AFF1: variants seen among roughly 807,000 people sequenced by gnomAD.
The protein encoded by AFF1 is ALF transcription elongation factor 1.
AFF1 carries 48 observed loss-of-function variants against 121.7 expected under a neutral mutation model. That is an observed-to-expected ratio of 0.39 (90% CI 0.31 to 0.50). The LOEUF (loss-of-function observed/expected upper bound fraction) is 0.50. AFF1 is among the 20% of genes least tolerant of loss of function. The pLI is 0.76. For synonymous variants in AFF1, 613 were observed against 563.0 expected, an observed-to-expected ratio of 1.09 and a Z score of -1.26; for missense variants, 1,523 against 1,511.7, an observed-to-expected ratio of 1.01 and a Z score of -0.12.
intron 4 of AFF1, among the ~76,000 whole-genome samples, chr4:87,075,803 AATATGAGCTGAC>A (rs1264276196): frequency 6.6e-6 from 1 of 152,230 alleles, no homozygotes; most frequent in African/African-American, 2.4e-5. Flanking sequence ...GAGTTTTACC[AATATGAGCTGAC>A]ATATATTGCT....
intron 1 of AFF1, among the ~76,000 whole-genome samples, chr4:86,942,788 G>A (rs1720561597): frequency 6.6e-6 from 1 of 152,096 alleles, no homozygotes; most frequent in Non-Finnish European, 1.5e-5. Context: ...TCATAAGATG[G>A]ACCATGGCAA....
At chr4:87,009,804 A>G (rs531055757) in intron 2 of AFF1, among the ~76,000 whole-genome samples, 1 of 152,208 alleles carries the variant, frequency 6.6e-6, no homozygotes, top group South Asian at 2.1e-4. Flanking sequence ...AAACCAAAAC[A>G]TCACCTGTGA....
chr4:87,003,177 G>A (rs1325452241), intron 2 of AFF1, among the ~76,000 whole-genome samples: 2 of 148,004 alleles, frequency 1.4e-5, no homozygotes, highest in Admixed American at 6.7e-5. Context: ...CATTTTGAGA[G>A]CCCAGGGAAT....
chr4:87,052,873 G>A (rs531414072), intron 4 of AFF1, among the ~76,000 whole-genome samples: 7 of 152,106 alleles, frequency 4.6e-5, no homozygotes, highest in South Asian at 2.1e-4. Context: ...GAGGGGAGGC[G>A]AGGCATCAAA....
chr4:87,020,764 G>A (rs1363856307), intron 2 of AFF1: 18 of 983,600 alleles, frequency 1.8e-5, no homozygotes, highest in Non-Finnish European at 2.1e-5. Context: ...GATTACAGGC[G>A]GGATTACCAT....
intron 2 of AFF1, among the ~76,000 whole-genome samples, chr4:86,988,683 AAAAACTACTTTAAATTTCATATG>A (rs1724479820): frequency 6.6e-6 from 1 of 152,232 alleles, no homozygotes; most frequent in South Asian, 2.1e-4. Flanking sequence ...CAGAATTAGA[AAAAACTACTTTAAATTTCATATG>A]GAACCAGAAA....
chr4:86,996,251 A>G (rs1381507517), intron 2 of AFF1, among the ~76,000 whole-genome samples: 7 of 152,180 alleles, frequency 4.6e-5, no homozygotes, highest in African/African-American at 1.7e-4. Context: ...AGAACGGGCC[A>G]TGATGACAAT....
Position 86,963,963 on chromosome 4 carries a change from G to GTTTTTTTT in AFF1, c.38+15406_38+15413dup, listed in dbSNP as rs3035477. 2.4e-3 allele frequency among the ~76,000 whole-genome samples: 246 copies of GTTTTTTTT among 104,326 alleles called. 4 individuals carry two copies. In the East Asian group the frequency reaches 0.036, roughly 15 times the overall value. The allele number at this position is 104,326 out of a possible 152,430, so 68.4% of individuals were successfully genotyped here. On this transcript the variant is annotated intron_variant, in intron 2 of 20. Transcript: ENST00000395146. Reference sequence around the variant, plus strand: ...GGTGTGAGTCACCATGACTAGACTGGTTTTTTTTTTTTTTTTTTTTTAGTA... The same window carrying GTTTTTTTT: ...GGTGTGAGTCACCATGACTAGACTGGTTTTTTTTTTTTTTTTTTTTTTTTTTTTTAGTA...
At chr4:87,007,002 C>T (rs1229674297) in intron 2 of AFF1, 3 of 1,094,446 alleles carry the variant, frequency 2.7e-6, no homozygotes, top group East Asian at 5.0e-5. Flanking sequence ...ATTTCTTTTC[C>T]TTTCTAACTG....
chr4:87,114,267 C>T, intron 11 of AFF1, 100 bp from the exon 12 acceptor site: 1 of 1,054,604 alleles, frequency 9.5e-7, no homozygotes, highest in Non-Finnish European at 1.3e-6. Flanking sequence ...GAAGTATTTG[C>T]TCCTCTGCAG....
intron 2 of AFF1, among the ~76,000 whole-genome samples, chr4:86,995,030 C>T (rs1725007693): frequency 6.6e-6 from 1 of 152,022 alleles, no homozygotes; most frequent in Admixed American, 6.6e-5. Flanking sequence ...CACCTGAGTC[C>T]AGGAGTTTGA....
intron 2 of AFF1, among the ~76,000 whole-genome samples, chr4:87,030,804 G>GT (rs1175061025): frequency 2.0e-5 from 3 of 152,134 alleles, no homozygotes; most frequent in Non-Finnish European, 4.4e-5. Flanking sequence ...CAGCGTCCTG[G>GT]TACTCTGTGC....
chr4:87,094,900 T>G lies in AFF1; in HGVS notation c.1229-15T>G. 2 of 1,612,436 alleles carry G rather than the reference T, an allele frequency of 1.2e-6. No homozygotes were observed. The highest frequency in any genetic ancestry group is 2.7e-5 in the African/African-American group (2 of 75,002). On this transcript the variant is annotated splice_polypyrimidine_tract_variant and intron_variant, in intron 7 of 20. Coordinates refer to ENST00000395146, the MANE Select transcript of AFF1 (RefSeq NM_001166693.3). ...ATGTGTCATTGTGCTGCTTTGATGT[T>G]TCTCTCCCCCACAGAACAATATGAT...
intron 10 of AFF1, among the ~76,000 whole-genome samples, chr4:87,107,792 A>G (rs1726068970): frequency 6.6e-6 from 1 of 152,236 alleles, no homozygotes; most frequent in African/African-American, 2.4e-5. Flanking sequence ...ACATTAAAAA[A>G]ATGGGTATGG....
chr4:87,111,662 A>G (rs1268437795), intron 11 of AFF1, among the ~76,000 whole-genome samples: 4 of 152,156 alleles, frequency 2.6e-5, no homozygotes, highest in Non-Finnish European at 5.9e-5. Context: ...CCTAAAAAAT[A>G]TTTTTAATCA....
At chr4:87,120,293 T>A (rs1486850598) in intron 12 of AFF1, among the ~76,000 whole-genome samples, 2 of 152,208 alleles carry the variant, frequency 1.3e-5, no homozygotes, top group African/African-American at 4.8e-5. Context: ...CCGAGGCGAA[T>A]CACAGGGAAG....
chr4:86,951,918 AC>A (rs1721376105), intron 2 of AFF1, among the ~76,000 whole-genome samples: 1 of 142,028 alleles, frequency 7.0e-6, no homozygotes, highest in Non-Finnish European at 1.5e-5. Context: ...CTGGCTGGGA[AC>A]CTTTTTTTTT....
intron 2 of AFF1, among the ~76,000 whole-genome samples, chr4:87,031,522 T>G (rs2149584007): frequency 6.6e-6 from 1 of 152,114 alleles, no homozygotes; most frequent in East Asian, 1.9e-4. Flanking sequence ...TATCCCTAGG[T>G]CTAGCACATA....
intron 2 of AFF1, among the ~76,000 whole-genome samples, chr4:87,012,861 CAA>C (rs1726918570): frequency 6.6e-6 from 1 of 152,084 alleles, no homozygotes; most frequent in Admixed American, 6.5e-5. Context: ...CTCCCCTGTG[CAA>C]ACTTTTTCCT....
Sources: allele counts gnomAD v4.1 joint callset (sites outside exome capture counted in the v4.1 genomes callset), GRCh38; gene constraint gnomAD v4.1.1; transcripts MANE v1.5; gene names NCBI Gene and HGNC (gene_info 2026-07-23, HGNC 2026-07-21).